Variants in KIF18A observed in about 807,000 individuals in gnomAD.
The protein encoded by KIF18A is kinesin family member 18A.
A neutral mutation model predicts 103.3 loss-of-function variants in KIF18A; 67 were observed. The ratio of observed to expected loss-of-function variants is 0.65; its 90% CI spans 0.53 to 0.79. The LOEUF (loss-of-function observed/expected upper bound fraction) is 0.79. Among genes scored for constraint, KIF18A ranks in the 30% least tolerant of loss-of-function variants. The pLI, the probability that KIF18A is intolerant of heterozygous loss-of-function variation, is 0.00. For missense variants in KIF18A, 1,032 were observed against 1,062.5 expected, an observed-to-expected ratio of 0.97 and a Z score of 0.40; for synonymous variants, 367 against 355.5, an observed-to-expected ratio of 1.03 and a Z score of -0.36.
intron 9 of KIF18A, among the ~76,000 whole-genome samples, chr11:28,079,664 C>T (rs1851138975): frequency 6.6e-6 from 1 of 151,976 alleles, no homozygotes; most frequent in Non-Finnish European, 1.5e-5. Context: ...AATAAGTTTA[C>T]CTTTACTCAA....
chr11:28,021,801 G>A (rs1850249270), intron 16 of KIF18A, among the ~76,000 whole-genome samples: 1 of 151,964 alleles, frequency 6.6e-6, no homozygotes, highest in Admixed American at 6.6e-5. Flanking sequence ...CATTCTTCTG[G>A]TTCTTCATTA....
chr11:28,062,490 G>T lies in KIF18A; in HGVS notation c.1617C>A (p.His539Gln). The T allele has an allele frequency of 1.9e-6, 3 of 1,611,222 alleles. No individual in the cohort carries two copies. Reference sequence around the variant, plus strand: ...AATCTTTGTTCTGGAGGTGCAAATGGTGACAATGAAGATCTTTCTTGAGTT... The same window carrying T: ...AATCTTTGTTCTGGAGGTGCAAATGTTGACAATGAAGATCTTTCTTGAGTT... ...PKELKKDLHC[H>Q]HLHLQNKDLK... Residue 539 changes from histidine to glutamine, a missense_variant, in exon 12 of 17, where the codon CAC becomes CAA. Coordinates refer to ENST00000263181, the MANE Select transcript of KIF18A (RefSeq NM_031217.4).
At chr11:28,062,295 C>G (rs1165289214) in intron 12 of KIF18A, 100 bp downstream of exon 12, 1 of 1,038,478 alleles carries the variant, frequency 9.6e-7, no homozygotes, top group Admixed American at 2.6e-5. Context: ...ATAATGTATC[C>G]TGTAACACAT....
intron 10 of KIF18A, among the ~76,000 whole-genome samples, chr11:28,070,109 A>G (rs1470352587): frequency 6.6e-6 from 1 of 152,218 alleles, no homozygotes. Context: ...ATTTGCCCAC[A>G]GACACTAAAG....
intron 6 of KIF18A, among the ~76,000 whole-genome samples, chr11:28,086,745 G>T (rs1278286151): frequency 6.6e-6 from 1 of 152,060 alleles, no homozygotes; most frequent in Admixed American, 6.5e-5. Context: ...TATTTTAAGT[G>T]ATTTTACATG....
At chr11:28,029,183 A>G (rs376090818) in intron 15 of KIF18A, among the ~76,000 whole-genome samples, 4 of 152,046 alleles carry the variant, frequency 2.6e-5, no homozygotes, top group Non-Finnish European at 4.4e-5. Flanking sequence ...ATTTTATGAG[A>G]CCAGCATCAT....
At chr11:28,086,673 T>C (rs543450799) in intron 6 of KIF18A, among the ~76,000 whole-genome samples, 2 of 152,348 alleles carry the variant, frequency 1.3e-5, no homozygotes, top group East Asian at 3.9e-4. Flanking sequence ...CAATTCTCAG[T>C]AGCAATGTGC....
In KIF18A at chr11:28,062,437, T is replaced by C. The variant is rs373435021; in HGVS notation, c.1670A>G (p.Asp557Gly). 6.0e-5 allele frequency: 97 copies of C among 1,611,696 alleles called. No homozygotes were observed. The highest frequency in any genetic ancestry group is 8.0e-5 in the Non-Finnish European group (94 of 1,178,602). Residue 557 changes from aspartate to glycine, a missense_variant, in exon 12 of 17, where the codon GAT becomes GGT. Transcript: ENST00000263181. ...TTGCTGTTCCTGAAGACAAGCTAGA[T>C]CCATCATATGTCTAATTTGTGCTTT... ...DLKAQIRHMM[D>G]LACLQEQQHR...
rs1474310873 is a variant in KIF18A, at chr11:28,023,741, C to T, written c.2614G>A (p.Glu872Lys). The T allele has an allele frequency of 1.2e-5, 18 of 1,541,282 alleles. No individual in the cohort carries two copies. The highest frequency in any genetic ancestry group is 1.6e-5 in the Non-Finnish European group (18 of 1,114,784). Residue 872 changes from glutamate to lysine, a missense_variant and splice_region_variant, in exon 16 of 17, where the codon GAA becomes AAA. Physicochemically the swap from Glu to Lys is moderately conservative, Grantham distance 56 (BLOSUM62 1). Coordinates refer to ENST00000263181, the MANE Select transcript of KIF18A (RefSeq NM_031217.4). ...KHLQENKPTM[E>K]HKRNICKINP... ...TATCAAATTAAAAGCTGAGACATAC[C>T]CATTGTTGGTTTGTTTTCTTGTAAG...
At position 28,036,688 on chromosome 11, in the gene KIF18A, C is replaced by T. The variant is rs770442076; in HGVS notation, c.1949-24G>A. ...GCCTATTCAAAAAAATAAAAAAAGACACTCGATAATGTTTCCTAGTTTTTT... is the reference window on the plus strand; with the variant it reads ...GCCTATTCAAAAAAATAAAAAAAGATACTCGATAATGTTTCCTAGTTTTTT... On this transcript the variant is annotated intron_variant, in intron 13 of 16. Transcript: ENST00000263181. The T allele has an allele frequency of 3.5e-6, 5 of 1,435,976 alleles. No individual in the cohort carries two copies. In the East Asian group the frequency reaches 1.2e-4, roughly 33 times the overall value. 89.0% of individuals were successfully genotyped at this position (1,435,976 alleles called of 1,614,324 possible).
chr11:28,060,126 C>T (rs1045195400), intron 12 of KIF18A, among the ~76,000 whole-genome samples: 3 of 152,180 alleles, frequency 2.0e-5, no homozygotes, highest in African/African-American at 4.8e-5. Context: ...TATCAGACCT[C>T]TGTGTAAGTG....
intron 13 of KIF18A, among the ~76,000 whole-genome samples, chr11:28,038,975 A>T (rs1321502311): frequency 6.6e-6 from 1 of 151,630 alleles, no homozygotes; most frequent in Non-Finnish European, 1.5e-5. Flanking sequence ...CATGAGAGGC[A>T]GCAGGGGTAT....
chr11:28,085,906 GA>G (rs1407532727), intron 6 of KIF18A, among the ~76,000 whole-genome samples: 1 of 152,162 alleles, frequency 6.6e-6, no homozygotes, highest in East Asian at 1.9e-4. Context: ...TATAATTGGT[GA>G]TTGAGGTGAT....
intron 12 of KIF18A, among the ~76,000 whole-genome samples, chr11:28,062,140 T>C (rs576995753): frequency 2.0e-5 from 3 of 152,250 alleles, no homozygotes; most frequent in East Asian, 3.9e-4. Context: ...TAGGTACTTA[T>C]GAAATTTTGT....
chr11:28,046,242 C>G (rs1236810646), intron 13 of KIF18A, among the ~76,000 whole-genome samples: 2 of 151,420 alleles, frequency 1.3e-5, no homozygotes, highest in Admixed American at 1.3e-4. Flanking sequence ...AAGACACATG[C>G]ACACGTATGT....
At chr11:28,097,167 T>A (rs1186987763) in intron 2 of KIF18A, among the ~76,000 whole-genome samples, 1 of 152,116 alleles carries the variant, frequency 6.6e-6, no homozygotes, top group African/African-American at 2.4e-5. Context: ...AGTCTCCTCC[T>A]ATCCTTCGCC....
At chr11:28,092,485 A>G (rs1315087543) in intron 3 of KIF18A, among the ~76,000 whole-genome samples, 1 of 152,214 alleles carries the variant, frequency 6.6e-6, no homozygotes, top group Non-Finnish European at 1.5e-5. Context: ...ACTCTACTGC[A>G]TCATACTGAA....
At chr11:28,076,108 C>T (rs185721033) in intron 10 of KIF18A, among the ~76,000 whole-genome samples, 16 of 152,006 alleles carry the variant, frequency 1.1e-4, no homozygotes, top group African/African-American at 2.2e-4. Flanking sequence ...TCTAACTCAC[C>T]GTCTCCTTTG....
Position 28,021,056 on chromosome 11 carries a change from T to C in KIF18A, c.*144A>G, listed in dbSNP as rs1850232982. The C allele has an allele frequency of 1.4e-6, 1 of 697,140 alleles. No homozygotes were observed. Among genetic ancestry groups the C allele is most frequent in the Non-Finnish European group, 2.0e-6 (1 of 509,112 alleles). The allele number at this position is 697,140 out of a possible 1,614,324, so 43.2% of individuals were successfully genotyped here. On this transcript the variant is annotated 3_prime_UTR_variant, in exon 17 of 17. Transcript: ENST00000263181. ...AAAAGAAGAAAACAAAGAGTTTCAT[T>C]TTTCTGCTTGCTGAAAGTACTTGGG... is the stretch of plus-strand genomic sequence containing the variant.
Sources: allele counts gnomAD v4.1 joint callset (sites outside exome capture counted in the v4.1 genomes callset), GRCh38; gene constraint gnomAD v4.1.1; transcripts MANE v1.5; gene names NCBI Gene and HGNC (gene_info 2026-07-23, HGNC 2026-07-21).